Variants in NAALADL2 observed in about 807,000 individuals in gnomAD.
NAALADL2 encodes the protein inactive N-acetylated-alpha-linked acidic dipeptidase-like protein 2.
NAALADL2 carries 76 observed loss-of-function variants against 87.2 expected under a neutral mutation model. The observed-to-expected ratio is 0.87, with a 90% confidence interval of 0.72 to 1.05. The LOEUF is 1.05. Among genes scored for constraint, NAALADL2 ranks in the 50% least tolerant of loss-of-function variants. The pLI is 0.00. For missense variants in NAALADL2, 1,089 were observed against 945.8 expected (o/e 1.15, Z -1.99); for synonymous variants, 354 against 331.0 (o/e 1.07, Z -0.75).
At chr3:175,586,209 C>T (rs1313569264) in intron 10 of NAALADL2, among the ~76,000 whole-genome samples, 1 of 150,438 alleles carries the variant, frequency 6.6e-6, no homozygotes, top group Non-Finnish European at 1.5e-5. Context: ...AGCTTGTATA[C>T]ACAGAAACTT....
chr3:175,434,535 T>A (rs1390420075), intron 5 of NAALADL2, among the ~76,000 whole-genome samples: 2 of 152,064 alleles, frequency 1.3e-5, no homozygotes, highest in East Asian at 3.9e-4. Context: ...TAAGTAGATC[T>A]GGAAATAAAG....
intron 3 of NAALADL2, among the ~76,000 whole-genome samples, chr3:174,767,597 G>A (rs1020225925): frequency 3.9e-5 from 6 of 151,970 alleles, no homozygotes; most frequent in Admixed American, 6.6e-5. Context: ...GCTTACCCAC[G>A]CCAGAAGGAT....
At chr3:175,765,048 C>T (rs1748513247) in intron 13 of NAALADL2, among the ~76,000 whole-genome samples, 1 of 151,858 alleles carries the variant, frequency 6.6e-6, no homozygotes, top group Admixed American at 6.6e-5. Context: ...TGAGCAATGC[C>T]TCTGATTTCT....
At chr3:175,196,407 T>A (rs976824492) in intron 2 of NAALADL2, among the ~76,000 whole-genome samples, 1 of 151,922 alleles carries the variant, frequency 6.6e-6, no homozygotes, top group Non-Finnish European at 1.5e-5. Context: ...AGATATCCTT[T>A]CTCCAGGCAT....
intron 2 of NAALADL2, among the ~76,000 whole-genome samples, chr3:175,136,553 C>T (rs948347343): frequency 9.2e-5 from 14 of 152,104 alleles, no homozygotes; most frequent in African/African-American, 3.4e-4. Flanking sequence ...ATTTGTTCCT[C>T]TTTAAGCCAT....
rs1410536133 is a variant in NAALADL2, at chr3:175,208,466, G to A, written c.546-25465G>A. 2.0e-5 allele frequency among the ~76,000 whole-genome samples: 3 copies of A among 152,206 alleles called. No individual in the cohort carries two copies. The East Asian group carries it at 5.8e-4, about 29-fold the overall frequency. ...CAGAACACGAACAGCCTCTAACAAA[G>A]GCTTTTAGTTGTCTCTGCCTTTAGT... On this transcript the variant is annotated intron_variant, in intron 2 of 13. Coordinates refer to ENST00000454872, the MANE Select transcript of NAALADL2 (RefSeq NM_207015.3).
At chr3:175,055,871 A>G (rs1181677129) in intron 1 of NAALADL2, among the ~76,000 whole-genome samples, 1 of 152,180 alleles carries the variant, frequency 6.6e-6, no homozygotes, top group Admixed American at 6.6e-5. Context: ...CTTTATGCAG[A>G]TTACCTCCAG....
At chr3:174,715,546 G>T (rs1731101378) in intron 2 of NAALADL2, among the ~76,000 whole-genome samples, 1 of 152,020 alleles carries the variant, frequency 6.6e-6, no homozygotes, top group Admixed American at 6.6e-5. Context: ...CTGGAGAATG[G>T]GTTTCCTCTT....
At chr3:174,456,735 C>T (rs1715863876) in intron 1 of NAALADL2, among the ~76,000 whole-genome samples, 4 of 152,222 alleles carry the variant, frequency 2.6e-5, no homozygotes, top group Middle Eastern at 3.4e-3. Context: ...GGATCAAAGA[C>T]TTAAATGTAA....
chr3:175,352,357 A>T (rs961533166), intron 5 of NAALADL2, among the ~76,000 whole-genome samples: 2 of 152,212 alleles, frequency 1.3e-5, no homozygotes, highest in African/African-American at 2.4e-5. Flanking sequence ...CAAAAAATGG[A>T]GTTGGACTCT....
chr3:174,489,989 T>G (rs2861779), intron 1 of NAALADL2, among the ~76,000 whole-genome samples: 22,262 of 152,002 alleles, frequency 0.15, 2,820 homozygotes, highest in East Asian at 0.48. Flanking sequence ...GGAAAACAGT[T>G]GGGCAATTTC....
At chr3:175,694,332 C>T (rs994501947) in intron 11 of NAALADL2, among the ~76,000 whole-genome samples, 1 of 152,080 alleles carries the variant, frequency 6.6e-6, no homozygotes, top group Non-Finnish European at 1.5e-5. Context: ...TTAAAAATAG[C>T]ATTTCCTTTT....
intron 11 of NAALADL2, among the ~76,000 whole-genome samples, chr3:175,684,901 T>C (rs1736063628): frequency 6.6e-6 from 1 of 152,348 alleles, no homozygotes; most frequent in South Asian, 2.1e-4. Context: ...TTTCCTGTAC[T>C]ACACTATAGA....
At chr3:175,383,002 T>A (rs1035588266) in intron 5 of NAALADL2, among the ~76,000 whole-genome samples, 3 of 152,128 alleles carry the variant, frequency 2.0e-5, no homozygotes, top group Non-Finnish European at 4.4e-5. Flanking sequence ...CCATTTAAGT[T>A]AATATTTCAT....
At chr3:174,822,688 G>C (rs1322886394) in intron 3 of NAALADL2, among the ~76,000 whole-genome samples, 2 of 152,018 alleles carry the variant, frequency 1.3e-5, no homozygotes, top group East Asian at 3.9e-4. Context: ...GTGCATTTTG[G>C]GTATAGGGAA....
At chr3:175,401,941 G>A (rs1770614781) in intron 5 of NAALADL2, among the ~76,000 whole-genome samples, 1 of 151,970 alleles carries the variant, frequency 6.6e-6, no homozygotes, top group Admixed American at 6.6e-5. Flanking sequence ...TTGGTGGCAG[G>A]AGATGTTAAA....
At chr3:175,692,414 C>T (rs1737175341) in intron 11 of NAALADL2, among the ~76,000 whole-genome samples, 1 of 152,002 alleles carries the variant, frequency 6.6e-6, no homozygotes, top group South Asian at 2.1e-4. Flanking sequence ...GTCATGTCTC[C>T]AGTATTCATT....
intron 2 of NAALADL2, among the ~76,000 whole-genome samples, chr3:175,158,695 A>G (rs188336760): frequency 1.5e-3 from 234 of 152,234 alleles, no homozygotes; most frequent in Non-Finnish European, 1.4e-3. Flanking sequence ...ATAAATGTAA[A>G]TAGCAATTTT....
Position 175,324,240 on chromosome 3 carries a change from A to G in NAALADL2, c.1005A>G (p.Pro335=). 1 of 1,613,748 alleles carries G rather than the reference A, an allele frequency of 6.2e-7. No homozygotes were observed. The highest frequency in any genetic ancestry group is 8.5e-7 in the Non-Finnish European group (1 of 1,179,764). ...VLLYIDPCDL[P]KTVNPSHDTF... is the part of the protein sequence containing the mutation. ...TGTATATCGATCCTTGTGATTTGCC[A>G]AAGACTGTGAATCCTAGCCATGATA... Residue 335 remains proline (P), a synonymous_variant, in exon 5 of 14, where the codon CCA becomes CCG. Transcript: ENST00000454872.
Sources: allele counts gnomAD v4.1 joint callset (sites outside exome capture counted in the v4.1 genomes callset), GRCh38; gene constraint gnomAD v4.1.1; transcripts MANE v1.5; gene names NCBI Gene and HGNC (gene_info 2026-07-23, HGNC 2026-07-21).